Variants in GRID2 observed in about 807,000 individuals in gnomAD.
GRID2 encodes the protein glutamate receptor ionotropic, delta-2.
GRID2 carries 33 observed loss-of-function variants against 114.8 expected under a neutral mutation model. The ratio of observed to expected loss-of-function variants is 0.29; its 90% CI spans 0.22 to 0.38. The LOEUF is 0.38. GRID2 is among the 10% of genes least tolerant of loss of function. The probability of loss-of-function intolerance (pLI) is 1.00; values close to 1 mark genes in which losing one functional copy is unlikely to be tolerated. For synonymous variants in GRID2, 505 were observed against 449.9 expected, an observed-to-expected ratio of 1.12 and a Z score of -1.55; for missense variants, 1,184 against 1,257.7, an observed-to-expected ratio of 0.94 and a Z score of 0.89.
intron 2 of GRID2, among the ~76,000 whole-genome samples, chr4:92,830,384 T>C (rs1411394554): frequency 2.0e-5 from 3 of 152,024 alleles, no homozygotes; most frequent in Non-Finnish European, 4.4e-5. Flanking sequence ...TAAGCCTACG[T>C]TTTGTGGTGC....
At chr4:93,231,542 G>A (rs974995553) in intron 7 of GRID2, among the ~76,000 whole-genome samples, 2 of 152,156 alleles carry the variant, frequency 1.3e-5, no homozygotes, top group Admixed American at 6.6e-5. Flanking sequence ...ATGTGCTGTG[G>A]TACATACTGA....
intron 10 of GRID2, among the ~76,000 whole-genome samples, chr4:93,436,818 A>G (rs1296677938): frequency 6.6e-6 from 1 of 152,156 alleles, no homozygotes; most frequent in Non-Finnish European, 1.5e-5. Flanking sequence ...TAGATATAAA[A>G]GATATGAACT....
intron 2 of GRID2, among the ~76,000 whole-genome samples, chr4:92,942,252 C>A (rs191162735): frequency 6.8e-6 from 1 of 146,574 alleles, no homozygotes. Flanking sequence ...TCTGGGTGCT[C>A]CTGTATTGGG....
At chr4:92,846,625 A>C (rs1468877970) in intron 2 of GRID2, among the ~76,000 whole-genome samples, 1 of 151,620 alleles carries the variant, frequency 6.6e-6, no homozygotes. Context: ...TCCTCTCTCT[A>C]CCTTTGTTTT....
chr4:92,624,389 A>G lies in GRID2; in HGVS notation c.244+34103A>G, dbSNP rs952236113. Among the ~76,000 whole-genome samples the G allele has an allele frequency of 3.9e-5, 6 of 151,924 alleles. No homozygotes were observed. In the South Asian group the frequency reaches 8.3e-4, roughly 21 times the overall value. On this transcript the variant is annotated intron_variant, in intron 2 of 15. Transcript: ENST00000282020. ...TCATAGCATTTGCAGTTATTGATCC[A>G]TGGTGTTTTCTCAAATGACAAAATA...
chr4:93,208,638 C>G (rs1422591457), intron 5 of GRID2, among the ~76,000 whole-genome samples: 1 of 151,992 alleles, frequency 6.6e-6, no homozygotes, highest in African/African-American at 2.4e-5. Context: ...CAAGTTGTTT[C>G]TCCTACACTA....
chr4:92,483,158 C>A (rs920279133), intron 1 of GRID2, among the ~76,000 whole-genome samples: 37 of 151,950 alleles, frequency 2.4e-4, no homozygotes, highest in African/African-American at 8.7e-4. Context: ...GCCAATATGG[C>A]GAAAACCTGT....
chr4:93,436,699 A>G (rs1333803656), intron 10 of GRID2, among the ~76,000 whole-genome samples: 1 of 152,184 alleles, frequency 6.6e-6, no homozygotes, highest in African/African-American at 2.4e-5. Context: ...TAAACTACAA[A>G]CAAAATGCTA....
intron 1 of GRID2, among the ~76,000 whole-genome samples, chr4:92,486,435 A>G (rs1722891294): frequency 6.6e-6 from 1 of 151,838 alleles, no homozygotes; most frequent in Admixed American, 6.6e-5. Context: ...AAAGTTTAAC[A>G]TAACTTTTCC....
chr4:93,607,085 A>G (rs1353648596), intron 13 of GRID2, among the ~76,000 whole-genome samples: 1 of 152,100 alleles, frequency 6.6e-6, no homozygotes, highest in Non-Finnish European at 1.5e-5. Flanking sequence ...CTTGTCTTTT[A>G]GAGCATTATT....
chr4:92,866,556 T>C (rs113615997), intron 2 of GRID2, among the ~76,000 whole-genome samples: 2 of 151,912 alleles, frequency 1.3e-5, no homozygotes, highest in African/African-American at 4.8e-5. Flanking sequence ...TTTTTTTTTT[T>C]CTTCTGAGAT....
intron 2 of GRID2, among the ~76,000 whole-genome samples, chr4:92,787,243 C>A (rs1300349319): frequency 6.6e-6 from 1 of 151,862 alleles, no homozygotes; most frequent in Non-Finnish European, 1.5e-5. Flanking sequence ...TATATTCTAA[C>A]TGATAGAATC....
intron 2 of GRID2, among the ~76,000 whole-genome samples, chr4:92,806,450 C>G (rs551369197): frequency 1.1e-4 from 16 of 152,002 alleles, no homozygotes; most frequent in African/African-American, 3.9e-4. Flanking sequence ...ATACCTTCTG[C>G]TGACCCCTTT....
intron 1 of GRID2, among the ~76,000 whole-genome samples, chr4:92,341,299 C>A (rs749313623): frequency 2.0e-5 from 3 of 152,080 alleles, no homozygotes; most frequent in Non-Finnish European, 4.4e-5. Flanking sequence ...TGAAAATAAG[C>A]CCTGTATGGT....
intron 3 of GRID2, among the ~76,000 whole-genome samples, chr4:93,107,598 A>T (rs1732367114): frequency 6.6e-6 from 1 of 152,038 alleles, no homozygotes; most frequent in Non-Finnish European, 1.5e-5. Context: ...GAGTGCAGTG[A>T]CACAATCTCA....
At position 93,034,198 on chromosome 4, in the gene GRID2, A is replaced by G. The variant is rs80071510; in HGVS notation, c.245-50797A>G. On this transcript the variant is annotated intron_variant, in intron 2 of 15. Coordinates refer to ENST00000282020, the MANE Select transcript of GRID2 (RefSeq NM_001510.4). ...GACATATTTCCAGTAACATTTAACAACAAACCACATTTAGACAGATGGGAA... is the reference window on the plus strand; with the variant it reads ...GACATATTTCCAGTAACATTTAACAGCAAACCACATTTAGACAGATGGGAA... Among the ~76,000 whole-genome samples, 1,305 of 152,342 alleles carry G rather than the reference A, an allele frequency of 8.6e-3. 14 individuals carry two copies. The highest frequency in any genetic ancestry group is 0.042 in the South Asian group (205 of 4,830).
chr4:92,529,748 C>T (rs1254423672), intron 1 of GRID2, among the ~76,000 whole-genome samples: 1 of 152,126 alleles, frequency 6.6e-6, no homozygotes, highest in Non-Finnish European at 1.5e-5. Flanking sequence ...AGATTCTGCA[C>T]TTAGGACCAT....
intron 13 of GRID2, among the ~76,000 whole-genome samples, chr4:93,594,518 C>T (rs1237344035): frequency 6.6e-6 from 1 of 152,032 alleles, no homozygotes; most frequent in African/African-American, 2.4e-5. Flanking sequence ...TTTGTCTGTG[C>T]CCTGCCCCCA....
chr4:93,246,039 ACT>A (rs771023511), intron 8 of GRID2, among the ~76,000 whole-genome samples: 1 of 152,154 alleles, frequency 6.6e-6, no homozygotes, highest in Non-Finnish European at 1.5e-5. Flanking sequence ...TGAAACACTA[ACT>A]TTTTTGTTTC....
Sources: gnomAD v4.1 joint callset for allele counts (sites outside exome capture counted in the v4.1 genomes callset) on GRCh38, gnomAD v4.1.1 for gene constraint, MANE v1.5 for transcripts, NCBI Gene and HGNC (gene_info 2026-07-23, HGNC 2026-07-21) for gene names.